Variants in SHISA9 observed in about 807,000 individuals in gnomAD.
SHISA9 encodes shisa family member 9.
SHISA9 carries 13 observed loss-of-function variants against 38.0 expected under a neutral mutation model. The ratio of observed to expected loss-of-function variants is 0.34; its 90% CI spans 0.22 to 0.54. The LOEUF (loss-of-function observed/expected upper bound fraction) is 0.54, where lower values mean the gene tolerates loss of function less well. Among genes scored for constraint, SHISA9 ranks in the 20% least tolerant of loss-of-function variants. SHISA9 has a pLI of 0.91. For synonymous variants in SHISA9, 275 were observed against 242.0 expected, an observed-to-expected ratio of 1.14 and a Z score of -1.27; for missense variants, 538 against 575.8, an observed-to-expected ratio of 0.93 and a Z score of 0.67.
Position 12,914,564 on chromosome 16 carries a change from T to C in SHISA9, c.564-2124T>C, listed in dbSNP as rs79983409. ...TCTTAGCAGACTCAGTCTTTTCCTCTCATTCATATGGGGCTCTTGCTGTTG... is the reference window on the plus strand; with the variant it reads ...TCTTAGCAGACTCAGTCTTTTCCTCCCATTCATATGGGGCTCTTGCTGTTG... On this transcript the variant is annotated intron_variant, in intron 1 of 4. Transcript: ENST00000558583. Among the ~76,000 whole-genome samples the C allele has an allele frequency of 2.9e-3, 435 of 152,264 alleles. 2 individuals carry two copies. Among genetic ancestry groups the C allele is most frequent in the African/African-American group, 9.9e-3 (411 of 41,558 alleles).
At chr16:13,140,127 TTCCCTTCCCTTCCC>T (rs2050387768) in intron 2 of SHISA9, among the ~76,000 whole-genome samples, 9 of 44,870 alleles carry the variant, frequency 2.0e-4, no homozygotes, top group African/African-American at 9.0e-4. Flanking sequence ...TTCCCTTCCC[TTCCCTTCCCTTCCC>T]TCCCCTCCCC....
chr16:13,374,700 C>T, the SHISA9 span, among the ~76,000 whole-genome samples: 3 of 152,152 alleles, frequency 2.0e-5, no homozygotes, highest in East Asian at 5.8e-4. Flanking sequence ...ATGCCTGGGT[C>T]AAATGGTATT....
chr16:13,048,828 G>A (rs2073216466), intron 2 of SHISA9, among the ~76,000 whole-genome samples: 1 of 152,194 alleles, frequency 6.6e-6, no homozygotes. Flanking sequence ...AATAGGTAGA[G>A]GTTATGAGAT....
intron 2 of SHISA9, among the ~76,000 whole-genome samples, chr16:13,033,903 T>C (rs1567189594): frequency 6.6e-6 from 1 of 152,188 alleles, no homozygotes; most frequent in Admixed American, 6.5e-5. Context: ...TCTAGCACTT[T>C]GGGAGGCCAA....
At chr16:13,304,877 G>A in the SHISA9 span, among the ~76,000 whole-genome samples, 1 of 152,152 alleles carries the variant, frequency 6.6e-6, no homozygotes, top group Non-Finnish European at 1.5e-5. Context: ...TCTATGAGGG[G>A]CATATAGCAC....
intron 2 of SHISA9, among the ~76,000 whole-genome samples, chr16:13,132,971 G>C (rs1195152827): frequency 2.6e-5 from 4 of 152,164 alleles, no homozygotes; most frequent in African/African-American, 9.7e-5. Flanking sequence ...TTAGGAAAGA[G>C]TCACCCAGGT....
chr16:13,396,104 A>G, the SHISA9 span, among the ~76,000 whole-genome samples: 47 of 152,374 alleles, frequency 3.1e-4, no homozygotes, highest in African/African-American at 1.1e-3. Flanking sequence ...AAGCGTTTAT[A>G]AGATGTGATT....
the SHISA9 span, among the ~76,000 whole-genome samples, chr16:13,363,515 A>G: frequency 1.3e-5 from 2 of 152,220 alleles, no homozygotes; most frequent in African/African-American, 4.8e-5. Flanking sequence ...TGGGTTTTGC[A>G]GGATGAAACA....
intron 2 of SHISA9, among the ~76,000 whole-genome samples, chr16:12,943,684 G>C (rs1040290560): frequency 6.6e-6 from 1 of 152,148 alleles, no homozygotes; most frequent in Non-Finnish European, 1.5e-5. Flanking sequence ...GCTGGAGGTA[G>C]AAAGTTTGTC....
At chr16:13,465,782 T>G in the SHISA9 span, among the ~76,000 whole-genome samples, 3 of 152,374 alleles carry the variant, frequency 2.0e-5, no homozygotes, top group East Asian at 3.9e-4. Flanking sequence ...AAAAAGCTGC[T>G]GCAACGATTT....
At chr16:13,193,302 G>A (rs1322881958) in intron 2 of SHISA9, among the ~76,000 whole-genome samples, 1 of 152,136 alleles carries the variant, frequency 6.6e-6, no homozygotes, top group East Asian at 1.9e-4. Flanking sequence ...TAACTTAAGA[G>A]ATGTGAGGGA....
intron 2 of SHISA9, among the ~76,000 whole-genome samples, chr16:13,141,208 CT>C (rs763810734): frequency 9.9e-5 from 15 of 152,038 alleles, no homozygotes; most frequent in Non-Finnish European, 1.5e-4. Flanking sequence ...TCCTTCCAGT[CT>C]TTTTTCTACG....
intron 2 of SHISA9, among the ~76,000 whole-genome samples, chr16:12,995,287 C>T (rs1596571572): frequency 1.3e-5 from 2 of 152,300 alleles, no homozygotes; most frequent in East Asian, 3.9e-4. Context: ...TTATTGACTA[C>T]AGTCTCCCCA....
chr16:13,287,882 T>C, the SHISA9 span, among the ~76,000 whole-genome samples: 1 of 152,116 alleles, frequency 6.6e-6, no homozygotes, highest in African/African-American at 2.4e-5. Flanking sequence ...ATCTGGCGAG[T>C]GTTTTCACCT....
At chr16:13,488,308 G>A in the SHISA9 span, among the ~76,000 whole-genome samples, 1 of 151,260 alleles carries the variant, frequency 6.6e-6, no homozygotes, top group Non-Finnish European at 1.5e-5. Flanking sequence ...GTCTATTTAA[G>A]GACAGTGTTT....
chr16:13,560,643 G>A, the SHISA9 span, among the ~76,000 whole-genome samples: 3 of 151,716 alleles, frequency 2.0e-5, no homozygotes, highest in African/African-American at 2.4e-5. Context: ...GGGATACAGA[G>A]GTGAAAAACT....
intron 2 of SHISA9, among the ~76,000 whole-genome samples, chr16:13,082,023 C>G (rs1383232236): frequency 6.6e-6 from 1 of 152,048 alleles, no homozygotes; most frequent in Non-Finnish European, 1.5e-5. Context: ...AATATTTCAC[C>G]TTACTTGGGA....
chr16:13,471,342 A>G, the SHISA9 span, among the ~76,000 whole-genome samples: 793 of 152,278 alleles, frequency 5.2e-3, 7 homozygotes, highest in African/African-American at 0.018. Context: ...TAAAATGCTA[A>G]TTTATTAACA....
intron 2 of SHISA9, among the ~76,000 whole-genome samples, chr16:12,997,591 A>G (rs150279672): frequency 0.017 from 2,613 of 151,892 alleles, 20 homozygotes; most frequent in African/African-American, 0.029. Flanking sequence ...ATTTTTGTAG[A>G]GATAGGGTTT....
Sources: allele counts gnomAD v4.1 joint callset (sites outside exome capture counted in the v4.1 genomes callset), GRCh38; gene constraint gnomAD v4.1.1; transcripts MANE v1.5; gene names NCBI Gene and HGNC (gene_info 2026-07-23, HGNC 2026-07-21).